VAC14: variants seen among roughly 807,000 people sequenced by gnomAD.
The protein encoded by VAC14 is VAC14 component of PIKFYVE complex.
In VAC14, 47 loss-of-function variants were observed where a neutral mutation model predicts 85.3. The ratio of observed to expected loss-of-function variants is 0.55; its 90% confidence interval spans 0.44 to 0.70. The LOEUF is 0.70. Ranked by LOEUF, VAC14 falls within the 30% of genes least tolerant of loss-of-function variation. The pLI is 0.00. For synonymous variants in VAC14, 447 were observed against 430.5 expected (o/e 1.04, Z -0.47); for missense variants, 861 against 1,004.3 (o/e 0.86, Z 1.93).
chr16:70,715,782 T>TCGGGCCAAGGTGAGGGCCTGC (rs2054152955), intron 14 of VAC14: 1 of 152,196 alleles, frequency 6.6e-6, no homozygotes, highest in Non-Finnish European at 1.5e-5. Context: ...GTCGGGGCTG[T>TCGGGCCAAGGTGAGGGCCTGC]CGGGCCAAGG....
At chr16:70,777,098 C>T (rs1471371156) in intron 9 of VAC14, among the ~76,000 whole-genome samples, 4 of 151,928 alleles carry the variant, frequency 2.6e-5, no homozygotes, top group South Asian at 2.1e-4. Flanking sequence ...TGAGCCACCG[C>T]GTCTGGCCCC....
chr16:70,730,787 T>C (rs1389865127), intron 14 of VAC14, among the ~76,000 whole-genome samples: 1 of 152,014 alleles, frequency 6.6e-6, no homozygotes, highest in Non-Finnish European at 1.5e-5. Context: ...CATCTTTTTT[T>C]AAAGCCTCTC....
At chr16:70,756,576 G>A (rs1271505449) in intron 12 of VAC14, among the ~76,000 whole-genome samples, 3 of 152,188 alleles carry the variant, frequency 2.0e-5, no homozygotes, top group Admixed American at 6.5e-5. Flanking sequence ...TAGGGCATCT[G>A]CCACCAGTGA....
chr16:70,688,065 A>G lies in VAC14; in HGVS notation c.2212T>C (p.Ser738Pro). 6.3e-7 allele frequency: 1 copy of G among 1,591,626 alleles called. No homozygotes were observed. Among genetic ancestry groups the G allele is most frequent in the Non-Finnish European group, 8.6e-7 (1 of 1,166,660 alleles). ...ATGCTAGGGGAGTCAGCTTTCTGGG[A>G]CTTGGGGGCTGCCTTTAGACTGTCT... ...TEDSLKAAPK[S>P]QKADSPSIDY... is the part of the protein sequence containing the mutation. The change falls in exon 19 of 19, where the codon TCC (serine) becomes CCC (proline). Residue 738 changes from serine (S) to proline (P), a missense_variant. Physicochemically the swap from Ser to Pro is moderately conservative, Grantham distance 74. Coordinates refer to ENST00000261776, the MANE Select transcript of VAC14 (RefSeq NM_018052.5).
intron 18 of VAC14, 49 bp from the exon 19 acceptor site, chr16:70,688,139 G>C (rs767926725): frequency 1.4e-6 from 2 of 1,455,638 alleles, no homozygotes; most frequent in Admixed American, 2.2e-5. Flanking sequence ...AGCTCACAGG[G>C]GGGTTACTGC....
intron 1 of VAC14, among the ~76,000 whole-genome samples, chr16:70,790,057 C>T (rs188881494): frequency 3.3e-5 from 5 of 152,296 alleles, no homozygotes; most frequent in Admixed American, 6.5e-5. Flanking sequence ...AGAGCTATTC[C>T]CTGCCCCCAA....
intron 15 of VAC14, among the ~76,000 whole-genome samples, chr16:70,697,954 T>G (rs2053746899): frequency 6.6e-6 from 1 of 150,984 alleles, no homozygotes; most frequent in South Asian, 2.1e-4. Flanking sequence ...GCCTCCAGGA[T>G]GACCCCTGTC....
At chr16:70,708,550 T>C (rs2053966430) in intron 14 of VAC14, among the ~76,000 whole-genome samples, 1 of 152,106 alleles carries the variant, frequency 6.6e-6, no homozygotes, top group Non-Finnish European at 1.5e-5. Context: ...ACTCAGCAGG[T>C]GTTTGACTCA....
Position 70,744,509 on chromosome 16 carries a change from C to A in VAC14, c.1442G>T (p.Gly481Val), listed in dbSNP as rs1255302324. The change falls in exon 13 of 19, where the codon GGC becomes GTC. Residue 481 changes from glycine (G) to valine (V), a missense_variant. Coordinates refer to ENST00000261776, the MANE Select transcript of VAC14 (RefSeq NM_018052.5). Reference protein sequence around the residue: ...SSPAGQTDDPGPLDGPDLQAS... With the variant: ...SSPAGQTDDPVPLDGPDLQAS... The stretch of plus-strand genomic sequence containing the variant: ...CTGGAGGTCAGGGCCATCGAGGGGG[C>A]CTGGGTCATCCGTCTGGCCTGCGGG... The A allele has an allele frequency of 6.2e-7, 1 of 1,613,292 alleles. No homozygotes were observed. The highest frequency in any genetic ancestry group is 8.5e-7 in the Non-Finnish European group (1 of 1,179,824).
rs149544846 is a variant in VAC14, at chr16:70,781,017, A to C, written c.947-78T>G. The C allele has an allele frequency of 1.2e-3, 1,889 of 1,580,330 alleles. 32 individuals carry two copies. The African/African-American group carries it at 0.023, about 19-fold the overall frequency. On this transcript the variant is annotated intron_variant, in intron 8 of 18. Coordinates refer to ENST00000261776, the MANE Select transcript of VAC14 (RefSeq NM_018052.5). ...AATCTCTTGCTGAAATGTGATTCCC[A>C]GTGTTGGAGGTGGGGCCTGGTGGGA...
intron 12 of VAC14, among the ~76,000 whole-genome samples, chr16:70,759,393 A>AGATCACTTGAGGTC (rs1255331536): frequency 6.6e-6 from 1 of 152,174 alleles, no homozygotes; most frequent in Non-Finnish European, 1.5e-5. Context: ...TCGGGAGGCC[A>AGATCACTTGAGGTC]AGGCAGGCAG....
At position 70,718,581 on chromosome 16, in the gene VAC14, A is replaced by C. The variant is rs558505341; in HGVS notation, c.1661+12914T>G. On this transcript the variant is annotated intron_variant, in intron 14 of 18. Coordinates refer to ENST00000261776, the MANE Select transcript of VAC14 (RefSeq NM_018052.5). ...AGAATGAGACTCCTTTTTAAAAAAA[A>C]AAAAAACAAAAAAACAAAGAAAACT... is the stretch of plus-strand genomic sequence containing the variant. Among the ~76,000 whole-genome samples, 8 of 151,656 alleles carry C rather than the reference A, an allele frequency of 5.3e-5. No homozygotes were observed. The East Asian group carries it at 1.6e-3, about 30-fold the overall frequency.
intron 10 of VAC14, chr16:70,766,408 T>C (rs2032817023): frequency 2.2e-6 from 1 of 447,748 alleles, no homozygotes. Flanking sequence ...ACTGGCAGCA[T>C]TTCGTGTATT....
chr16:70,788,748 G>A (rs1348341211), intron 1 of VAC14, among the ~76,000 whole-genome samples: 1 of 152,190 alleles, frequency 6.6e-6, no homozygotes, highest in Non-Finnish European at 1.5e-5. Flanking sequence ...GCCGGGCTTC[G>A]ATTCCTGGCC....
chr16:70,691,423 G>C, intron 18 of VAC14: 1 of 985,388 alleles, frequency 1.0e-6, no homozygotes, highest in Non-Finnish European at 1.2e-6. Context: ...GAAGGGCCAA[G>C]GCAAAGGCTG....
chr16:70,776,967 CTG>C (rs1230221362), intron 9 of VAC14, among the ~76,000 whole-genome samples: 1 of 152,078 alleles, frequency 6.6e-6, no homozygotes, highest in Non-Finnish European at 1.5e-5. Context: ...ACCACCATGA[CTG>C]GCTAATTTTT....
intron 18 of VAC14, among the ~76,000 whole-genome samples, chr16:70,692,599 C>T (rs1166257614): frequency 1.3e-5 from 2 of 152,206 alleles, no homozygotes; most frequent in Non-Finnish European, 2.9e-5. Context: ...TCCCGGCCAC[C>T]GTGTGAGGGC....
chr16:70,698,740 T>C lies in VAC14; in HGVS notation c.1733A>G (p.Asp578Gly). 6.2e-7 allele frequency: 1 copy of C among 1,614,120 alleles called. No homozygotes were observed. ...SMADILLREE[D>G]LKFASTMVHA... ...GACCATGGTCGAGGCGAACTTGAGG[T>C]CCTCCTCCCGCAGCAGGATGTCTGC... Residue 578 changes from aspartate (D) to glycine (G), a missense_variant, in exon 15 of 19, where the codon GAC (aspartate) becomes GGC (glycine). Transcript: ENST00000261776.
At chr16:70,694,186 G>T (rs1342675291) in intron 17 of VAC14, among the ~76,000 whole-genome samples, 1 of 152,242 alleles carries the variant, frequency 6.6e-6, no homozygotes, top group Middle Eastern at 3.2e-3. Context: ...TGAGGAGAAG[G>T]TGCTTGGAGT....
Sources: allele counts gnomAD v4.1 joint callset (sites outside exome capture counted in the v4.1 genomes callset), GRCh38; gene constraint gnomAD v4.1.1; transcripts MANE v1.5; gene names NCBI Gene and HGNC (gene_info 2026-07-23, HGNC 2026-07-21).